The following PPARGC1A variants were observed in gnomAD, a reference collection of about 807,000 sequenced individuals.
PPARGC1A encodes the protein PPARG coactivator 1 alpha.
In PPARGC1A, 25 loss-of-function variants were observed where a neutral mutation model predicts 88.7. The ratio of observed to expected loss-of-function variants is 0.28; its 90% CI spans 0.21 to 0.39. PPARGC1A has a LOEUF of 0.39. Among genes scored for constraint, PPARGC1A ranks in the 10% least tolerant of loss-of-function variants. The probability of loss-of-function intolerance (pLI) is 1.00; values close to 1 mark genes in which losing one functional copy is unlikely to be tolerated. For synonymous variants in PPARGC1A, 363 were observed against 355.6 expected (o/e 1.02, Z -0.24); for missense variants, 880 against 968.7 (o/e 0.91, Z 1.22).
the PPARGC1A span, among the ~76,000 whole-genome samples, chr4:24,032,208 A>C: frequency 1.2e-4 from 19 of 152,320 alleles, no homozygotes; most frequent in African/African-American, 3.8e-4. Context: ...ATTTTCTCAT[A>C]ACCTTTTGAC....
chr4:24,443,469 A>G, the PPARGC1A span, among the ~76,000 whole-genome samples: 2 of 152,146 alleles, frequency 1.3e-5, no homozygotes, highest in South Asian at 4.1e-4. Context: ...GGCAAGAATG[A>G]CCAGGTCATG....
At chr4:24,175,375 G>GTTT in the PPARGC1A span, among the ~76,000 whole-genome samples, 8 of 114,988 alleles carry the variant, frequency 7.0e-5, no homozygotes, top group Non-Finnish European at 1.2e-4. Flanking sequence ...TCTTTGTTTC[G>GTTT]TTTTTTTTTT....
chr4:24,280,030 A>G, the PPARGC1A span, among the ~76,000 whole-genome samples: 2 of 152,172 alleles, frequency 1.3e-5, no homozygotes, highest in Admixed American at 6.5e-5. Context: ...TTTCTCGCCA[A>G]CAATGCCCCA....
the PPARGC1A span, among the ~76,000 whole-genome samples, chr4:24,227,235 C>G: frequency 2.0e-5 from 3 of 152,044 alleles, no homozygotes; most frequent in African/African-American, 7.2e-5. Context: ...CAGGCACACG[C>G]CGCCATGCCC....
chr4:23,932,490 C>T, the PPARGC1A span, among the ~76,000 whole-genome samples: 12 of 151,858 alleles, frequency 7.9e-5, no homozygotes, highest in East Asian at 3.9e-4. Flanking sequence ...AAAGGCATTA[C>T]CAAAATTAAA....
At chr4:24,217,181 A>T in the PPARGC1A span, among the ~76,000 whole-genome samples, 1 of 152,224 alleles carries the variant, frequency 6.6e-6, no homozygotes, top group Admixed American at 6.5e-5. Context: ...CTCAAGCAGA[A>T]CTTCAGCTAG....
chr4:23,862,763 TCAAAG>T (rs1023792125), intron 2 of PPARGC1A, among the ~76,000 whole-genome samples: 12 of 152,194 alleles, frequency 7.9e-5, no homozygotes, highest in African/African-American at 2.9e-4. Context: ...ATTATCAAAC[TCAAAG>T]CAAGAGAAAA....
chr4:24,375,251 C>A, the PPARGC1A span, among the ~76,000 whole-genome samples: 7 of 129,660 alleles, frequency 5.4e-5, no homozygotes, highest in East Asian at 1.9e-3. Flanking sequence ...AATTTAGACA[C>A]CACACATTTC....
chr4:23,911,877 T>C, the PPARGC1A span, among the ~76,000 whole-genome samples: 1 of 152,168 alleles, frequency 6.6e-6, no homozygotes, highest in African/African-American at 2.4e-5. Context: ...GTGCAGCAGA[T>C]CTCTAGAATT....
chr4:24,094,912 C>T, the PPARGC1A span, among the ~76,000 whole-genome samples: 8 of 152,070 alleles, frequency 5.3e-5, no homozygotes, highest in Non-Finnish European at 1.2e-4. Context: ...GGCCAAACCA[C>T]GACACTGACA....
chr4:24,022,326 A>G, the PPARGC1A span, among the ~76,000 whole-genome samples: 1 of 151,248 alleles, frequency 6.6e-6, no homozygotes, highest in African/African-American at 2.4e-5. Flanking sequence ...TCTCTCTCCA[A>G]CTATGTCTTT....
At chr4:24,111,183 T>C in the PPARGC1A span, among the ~76,000 whole-genome samples, 2 of 152,338 alleles carry the variant, frequency 1.3e-5, no homozygotes, top group East Asian at 1.9e-4. Context: ...CTATTGATTG[T>C]TAATTGAGAT....
At chr4:24,405,283 GT>G in the PPARGC1A span, among the ~76,000 whole-genome samples, 780 of 150,014 alleles carry the variant, frequency 5.2e-3, 7 homozygotes, top group African/African-American at 0.017. Context: ...TGAAAAGGTG[GT>G]TTTTTTTTTC....
chr4:24,393,047 ACC>A, the PPARGC1A span, among the ~76,000 whole-genome samples: 3 of 102,370 alleles, frequency 2.9e-5, no homozygotes, highest in Admixed American at 1.1e-4. Flanking sequence ...ACACACACAC[ACC>A]CCTTTTTCTG....
chr4:23,923,849 C>T, the PPARGC1A span, among the ~76,000 whole-genome samples: 1 of 152,148 alleles, frequency 6.6e-6, no homozygotes, highest in East Asian at 1.9e-4. Flanking sequence ...ACCCTCAATA[C>T]CTTCTTTATA....
intron 7 of PPARGC1A, chr4:23,820,613 T>C (rs1438018701): frequency 2.3e-6 from 1 of 437,712 alleles, no homozygotes; most frequent in Non-Finnish European, 4.6e-6. Context: ...CTAACAGCTA[T>C]TTTGAAATCA....
chr4:23,896,799 A>C (rs1249047006), intron 1 of PPARGC1A, among the ~76,000 whole-genome samples: 2 of 152,220 alleles, frequency 1.3e-5, no homozygotes, highest in African/African-American at 4.8e-5. Context: ...TCTTGAGAAG[A>C]GGGTCTACCA....
chr4:23,881,147 G>A (rs1715847439), intron 2 of PPARGC1A: 1 of 152,164 alleles, frequency 6.6e-6, no homozygotes, highest in African/African-American at 2.4e-5. Context: ...GGCAACAGAG[G>A]GAAGGAAGTT....
At chr4:24,276,694 G>A in the PPARGC1A span, among the ~76,000 whole-genome samples, 1 of 152,132 alleles carries the variant, frequency 6.6e-6, no homozygotes, top group South Asian at 2.1e-4. Context: ...GGTCTCCAAA[G>A]GTAGGAAAAT....
Sources: gnomAD v4.1 joint callset for allele counts (sites outside exome capture counted in the v4.1 genomes callset) on GRCh38, gnomAD v4.1.1 for gene constraint, MANE v1.5 for transcripts, NCBI Gene and HGNC (gene_info 2026-07-23, HGNC 2026-07-21) for gene names.